The following TMEM106B variants were observed in gnomAD, a reference collection of about 807,000 sequenced individuals.
TMEM106B encodes the protein transmembrane protein 106B.
In TMEM106B, 15 loss-of-function variants were observed where a neutral mutation model predicts 31.1. That is an observed-to-expected ratio of 0.48 (90% CI 0.32 to 0.74). TMEM106B has a LOEUF of 0.74. Among genes scored for constraint, TMEM106B ranks in the 30% least tolerant of loss-of-function variants. The pLI, the probability that TMEM106B is intolerant of heterozygous loss-of-function variation, is 0.03. For missense variants in TMEM106B, 283 were observed against 327.3 expected (o/e 0.86, Z 1.04); for synonymous variants, 126 against 112.5 (o/e 1.12, Z -0.76).
At chr7:12,216,167 A>G (rs1781683386) in intron 2 of TMEM106B, among the ~76,000 whole-genome samples, 1 of 152,094 alleles carries the variant, frequency 6.6e-6, no homozygotes, top group African/African-American at 2.4e-5. Flanking sequence ...GAATAAAATA[A>G]TTATTGTAGT....
chr7:12,221,552 A>G (rs1415786200), intron 3 of TMEM106B, among the ~76,000 whole-genome samples: 3 of 152,188 alleles, frequency 2.0e-5, no homozygotes, highest in Non-Finnish European at 4.4e-5. Context: ...AATATAGTAA[A>G]CAATATTTTC....
At position 12,233,235 on chromosome 7, in the gene TMEM106B, A is replaced by ATTTTTTTTTTTTTTTTTTTTTTTTTTTT. The variant is rs545382980; in HGVS notation, c.*1275_*1276insTTTTTTTTTTTTTTTTTTTTTTTTTTTT. 1.1e-5 allele frequency: 1 copy of ATTTTTTTTTTTTTTTTTTTTTTTTTTTT among 87,216 alleles called. No individual in the cohort carries two copies. 5.4% of individuals were successfully genotyped at this position (87,216 alleles called of 1,614,324 possible). ...TTTTATATTTTCAGTATCATTTTTC[A>ATTTTTTTTTTTTTTTTTTTTTTTTTTTT]TTTTTTTTTTTTTTTGTCTTTTCAC... On this transcript the variant is annotated 3_prime_UTR_variant, in exon 8 of 8. Coordinates refer to ENST00000396668, the MANE Select transcript of TMEM106B (RefSeq NM_001134232.2).
chr7:12,214,755 C>A, intron 1 of TMEM106B, 54 bp from the exon 2 acceptor site: 3 of 1,365,292 alleles, frequency 2.2e-6, no homozygotes, highest in Non-Finnish European at 3.0e-6. Flanking sequence ...TCAGAGTGTT[C>A]TTGAATGTAC....
Position 12,211,424 on chromosome 7 carries a change from C to G in TMEM106B, c.-4C>G, listed in dbSNP as rs1781571051. On this transcript the variant is annotated splice_region_variant and 5_prime_UTR_variant, in exon 1 of 8. Transcript: ENST00000396668. Reference sequence around the variant, plus strand: ...CGGGACTGCGCAGCGCCCCGCGTGCCGGTGAGCGACCCCGGACGTGCAGTC... The same window carrying G: ...CGGGACTGCGCAGCGCCCCGCGTGCGGGTGAGCGACCCCGGACGTGCAGTC... The G allele has an allele frequency of 6.6e-6, 1 of 152,416 alleles. No individual in the cohort carries two copies. Among genetic ancestry groups the G allele is most frequent in the South Asian group, 2.1e-4 (1 of 4,840 alleles). 9.4% of individuals were successfully genotyped at this position (152,416 alleles called of 1,614,324 possible).
At chr7:12,223,751 C>G (rs1033597160) in intron 3 of TMEM106B, among the ~76,000 whole-genome samples, 9 of 140,678 alleles carry the variant, frequency 6.4e-5, no homozygotes, top group Non-Finnish European at 1.4e-4. Context: ...TACAGAGTCT[C>G]GCTCTCTCGT....
rs1260859725 is a variant in TMEM106B at position 12,214,791 on chromosome 7, A to AT, written c.-2-13dup. On this transcript the variant is annotated splice_polypyrimidine_tract_variant and intron_variant, in intron 1 of 7. Transcript: ENST00000396668. Reference sequence around the variant, plus strand: ...TTTTTTCCCTGAAGTTTACTGTAAGATTTTTATTTTTCTTTAGACATGGGA... The same window carrying AT: ...TTTTTTCCCTGAAGTTTACTGTAAGATTTTTTATTTTTCTTTAGACATGGGA... 1 of 1,575,314 alleles carries AT rather than the reference A, an allele frequency of 6.3e-7. No individual in the cohort carries two copies. The highest frequency in any genetic ancestry group is 1.2e-5 in the South Asian group (1 of 86,868).
intron 4 of TMEM106B, among the ~76,000 whole-genome samples, chr7:12,228,024 C>T (rs1251962745): frequency 6.6e-6 from 1 of 151,776 alleles, no homozygotes; most frequent in African/African-American, 2.4e-5. Flanking sequence ...ATCAGAAGAT[C>T]CATTGACCTC....
chr7:12,232,010 T>A lies in TMEM106B; in HGVS notation c.*35T>A. ...GAGATGGATTTAAAGAAGAAATATC[T>A]ATTGATATTTCCTATACTCTCAATG... On this transcript the variant is annotated 3_prime_UTR_variant, in exon 8 of 8. Coordinates refer to ENST00000396668, the MANE Select transcript of TMEM106B (RefSeq NM_001134232.2). The A allele has an allele frequency of 2.5e-6, 4 of 1,578,190 alleles. No individual in the cohort carries two copies. Among genetic ancestry groups the A allele is most frequent in the African/African-American group, 1.3e-5 (1 of 74,134 alleles).
intron 3 of TMEM106B, among the ~76,000 whole-genome samples, chr7:12,220,441 A>G (rs967805748): frequency 1.3e-5 from 2 of 152,176 alleles, no homozygotes; most frequent in Admixed American, 1.3e-4. Context: ...TTGAGAAGAA[A>G]AAGGCCAACC....
chr7:12,215,020 T>G lies in TMEM106B; in HGVS notation c.210T>G (p.Ile70Met). The G allele has an allele frequency of 6.2e-7, 1 of 1,613,284 alleles. No individual in the cohort carries two copies. Among genetic ancestry groups the G allele is most frequent in the Non-Finnish European group, 8.5e-7 (1 of 1,179,456 alleles). ...CTACTTGTCAGGGAACAGGAAGAATTCCTAGGGGTATGTGTTATTGTATTG... is the reference window on the plus strand; with the variant it reads ...CTACTTGTCAGGGAACAGGAAGAATGCCTAGGGGTATGTGTTATTGTATTG... Reference protein sequence around the residue: ...TCPTCQGTGRIPRGQENQLVA... With the variant: ...TCPTCQGTGRMPRGQENQLVA... Residue 70 changes from isoleucine (I) to methionine (M), a missense_variant, in exon 2 of 8, where the codon ATT becomes ATG. This residue lies in a region of TMEM106B where 77 missense variants were observed against 89.4 expected (regional missense o/e 0.86). Coordinates refer to ENST00000396668, the MANE Select transcript of TMEM106B (RefSeq NM_001134232.2).
intron 3 of TMEM106B, among the ~76,000 whole-genome samples, chr7:12,223,247 A>C (rs1389933472): frequency 1.3e-5 from 2 of 152,236 alleles, no homozygotes; most frequent in African/African-American, 4.8e-5. Context: ...TGTAAAAAAA[A>C]TCTTAAAAAC....
At chr7:12,225,441 C>T (rs1162180822) in intron 4 of TMEM106B, among the ~76,000 whole-genome samples, 3 of 152,140 alleles carry the variant, frequency 2.0e-5, no homozygotes, top group African/African-American at 7.2e-5. Context: ...GAAGAATCAC[C>T]ACACTGTCTT....
Position 12,230,409 on chromosome 7 carries a change from C to A in TMEM106B, c.603C>A (p.Thr201=). The part of the protein sequence containing the change: ...DMKQIDYTVP[T]VIAEEMSYMY... ...TTCAGATTGATTACACAGTACCTAC[C>A]GTTATAGCAGAGGAAATGAGTTATA... The change falls in exon 6 of 8, where the codon ACC becomes ACA. Residue 201 remains threonine (T), a synonymous_variant. Transcript: ENST00000396668. 1.2e-6 allele frequency: 2 copies of A among 1,602,644 alleles called. No homozygotes were observed. The highest frequency in any genetic ancestry group is 1.1e-5 in the South Asian group (1 of 89,604).
In TMEM106B at chr7:12,242,782, T is replaced by C. The variant is rs1782256323; in HGVS notation, c.*10807T>C. 6.6e-6 allele frequency: 1 copy of C among 152,176 alleles called. No homozygotes were observed. The highest frequency in any genetic ancestry group is 1.5e-5 in the Non-Finnish European group (1 of 68,008). The allele number at this position is 152,176 out of a possible 1,614,324, so 9.4% of individuals were successfully genotyped here. Reference sequence around the variant, plus strand: ...TTAATAGCTGGCTATTTTGTAAGCCTGTATCTGGTTTAAAAAAAAGAAGTG... The same window carrying C: ...TTAATAGCTGGCTATTTTGTAAGCCCGTATCTGGTTTAAAAAAAAGAAGTG... On this transcript the variant is annotated 3_prime_UTR_variant, in exon 8 of 8. Transcript: ENST00000396668.
In TMEM106B at chr7:12,233,650, T is replaced by A. The variant is rs1471342675; in HGVS notation, c.*1675T>A. 1 of 151,450 alleles carries A rather than the reference T, an allele frequency of 6.6e-6. No individual in the cohort carries two copies. The highest frequency in any genetic ancestry group is 1.5e-5 in the Non-Finnish European group (1 of 67,620). The allele number at this position is 151,450 out of a possible 1,614,324, so 9.4% of individuals were successfully genotyped here. ...TACTATTAAACCCAAATCAGTCCTT[T>A]AAGTTCATTATGGCCTTTCTAGTAT... On this transcript the variant is annotated 3_prime_UTR_variant, in exon 8 of 8. Coordinates refer to ENST00000396668, the MANE Select transcript of TMEM106B (RefSeq NM_001134232.2).
At chr7:12,222,213 T>A (rs1781802135) in intron 3 of TMEM106B, among the ~76,000 whole-genome samples, 1 of 152,186 alleles carries the variant, frequency 6.6e-6, no homozygotes, top group Admixed American at 6.5e-5. Context: ...ACAACTTTCA[T>A]AACTTCATTA....
intron 1 of TMEM106B, among the ~76,000 whole-genome samples, chr7:12,213,277 C>CTT (rs35633462): frequency 2.5e-5 from 1 of 39,604 alleles, no homozygotes; most frequent in African/African-American, 1.8e-4. Flanking sequence ...ATAATTTTAA[C>CTT]TGTCAACTGT....
intron 4 of TMEM106B, among the ~76,000 whole-genome samples, chr7:12,225,399 G>A (rs1439667535): frequency 6.6e-6 from 1 of 152,126 alleles, no homozygotes; most frequent in Non-Finnish European, 1.5e-5. Flanking sequence ...TGGGATTGCT[G>A]GGTCAAATGG....
intron 4 of TMEM106B, among the ~76,000 whole-genome samples, chr7:12,225,113 T>C (rs1215792400): frequency 6.6e-6 from 1 of 152,138 alleles, no homozygotes; most frequent in East Asian, 1.9e-4. Context: ...TGAGAACACG[T>C]GGTGTTTGGT....
Sources: allele counts gnomAD v4.1 joint callset (sites outside exome capture counted in the v4.1 genomes callset), GRCh38; gene constraint gnomAD v4.1.1; regional missense constraint gnomAD v4.1.1; transcripts MANE v1.5; gene names NCBI Gene and HGNC (gene_info 2026-07-23, HGNC 2026-07-21).